The following DGKQ variants were observed in gnomAD, a reference collection of about 807,000 sequenced individuals.
DGKQ encodes diacylglycerol kinase theta.
A neutral mutation model predicts 104.2 loss-of-function variants in DGKQ; 97 were observed. That is an observed-to-expected ratio of 0.93 (90% CI 0.79 to 1.10). The LOEUF (loss-of-function observed/expected upper bound fraction) is 1.10. Ranked by LOEUF, DGKQ falls within the 50% of genes least tolerant of loss-of-function variation. DGKQ has a pLI of 0.00. For missense variants in DGKQ, 1,465 were observed against 1,352.1 expected, an observed-to-expected ratio of 1.08 and a Z score of -1.31; for synonymous variants, 736 against 595.2, an observed-to-expected ratio of 1.24 and a Z score of -3.44.
chr4:960,724 G>A lies in DGKQ; in HGVS notation c.2728-3C>T. The A allele has an allele frequency of 1.2e-6, 2 of 1,611,574 alleles. No homozygotes were observed. The highest frequency in any genetic ancestry group is 1.7e-6 in the Non-Finnish European group (2 of 1,179,488). On this transcript the variant is annotated splice_region_variant and splice_polypyrimidine_tract_variant and intron_variant, in intron 22 of 22. Coordinates refer to ENST00000273814, the MANE Select transcript of DGKQ (RefSeq NM_001347.4). ...TTGGCCTTCCTCAGCATGTGCACCT[G>A]TCCCAGGGCAGGGGACAGAGGACCA...
chr4:970,212 G>A (rs1036581289), intron 2 of DGKQ, among the ~76,000 whole-genome samples: 8 of 152,244 alleles, frequency 5.3e-5, no homozygotes, highest in Non-Finnish European at 7.3e-5. Flanking sequence ...GTGCCTGCTG[G>A]CCTGGCTTCC....
At chr4:965,784 G>A in intron 13 of DGKQ, 144 bp downstream of exon 13, 2 of 998,588 alleles carry the variant, frequency 2.0e-6, no homozygotes, top group Non-Finnish European at 2.9e-6. Flanking sequence ...AGAGCCTCTT[G>A]GAGGAAGAGA....
At chr4:967,094 G>A (rs1482326497) in intron 9 of DGKQ, 35 bp downstream of exon 9, 21 of 1,547,964 alleles carry the variant, frequency 1.4e-5, no homozygotes, top group East Asian at 4.8e-5. Flanking sequence ...CCCCCACCCC[G>A]CCCAGCAGAC....
In DGKQ at chr4:969,759, G is replaced by A. The variant is rs560135996; in HGVS notation, c.352-849C>T. On this transcript the variant is annotated intron_variant, in intron 2 of 22. Coordinates refer to ENST00000273814, the MANE Select transcript of DGKQ (RefSeq NM_001347.4). ...CGAGTAGCTGGGACTACAGGCGCCC[G>A]CCACCACACCCGGCTAATTTTTATA... 3.2e-4 allele frequency among the ~76,000 whole-genome samples: 49 copies of A among 152,004 alleles called. No individual in the cohort carries two copies. The South Asian group carries it at 9.1e-3, about 28-fold the overall frequency.
chr4:960,668 C>G lies in DGKQ; in HGVS notation c.2781G>C (p.Arg927Ser). The G allele has an allele frequency of 6.2e-7, 1 of 1,612,318 alleles. No homozygotes were observed. The highest frequency in any genetic ancestry group is 1.1e-5 in the South Asian group (1 of 91,084). ...CAGGCGCAGCATCCGCCCGGGCATC[C>G]CTGGTGGTCCCGGCCCTCCTCGGCT... ...KQKPRRAGTT[R>S]DARADAAPAP... Residue 927 changes from arginine to serine, a missense_variant, in exon 23 of 23, where the codon AGG becomes AGC. Transcript: ENST00000273814.
At position 962,434 on chromosome 4, in the gene DGKQ, C is replaced by T; in HGVS notation, c.2214+1G>A. 6.4e-7 allele frequency: 1 copy of T among 1,570,056 alleles called. No homozygotes were observed. Among genetic ancestry groups the T allele is most frequent in the Non-Finnish European group, 8.6e-7 (1 of 1,163,340 alleles). On this transcript the variant is annotated splice_donor_variant, in intron 18 of 22. Transcript: ENST00000273814. LOFTEE classifies it high-confidence loss of function. Reference sequence around the variant, plus strand: ...GCACCCCACGCCGGGCTGCCCTGTACCTTGGGGGGCTCTGCGTCTGCCGTG... The same window carrying T: ...GCACCCCACGCCGGGCTGCCCTGTATCTTGGGGGGCTCTGCGTCTGCCGTG...
At chr4:968,198 C>CCCCAACTCCTCCCCCTCCCA (rs1491172875) in intron 5 of DGKQ, 84 bp downstream of exon 5, 3 of 742,740 alleles carry the variant, frequency 4.0e-6, no homozygotes, top group African/African-American at 1.9e-5. Flanking sequence ...TGCCCCGCCC[C>CCCCAACTCCTCCCCCTCCCA]GCCAACTCCT....
chr4:961,625 G>A lies in DGKQ; in HGVS notation c.2463-47C>T, dbSNP rs569019139. 35 of 1,610,148 alleles carry A rather than the reference G, an allele frequency of 2.2e-5. No individual in the cohort carries two copies. The East Asian group carries it at 4.0e-4, about 18-fold the overall frequency. ...ACAGAGGTGTAGGTGCAGGCAGGAC[G>A]AGGGCTGAGCCTGCCCATGGCCCCG... On this transcript the variant is annotated intron_variant, in intron 20 of 22. Coordinates refer to ENST00000273814, the MANE Select transcript of DGKQ (RefSeq NM_001347.4).
rs551540304 is a variant in DGKQ at position 973,568 on chromosome 4, C to A, written c.-86G>T. Reference sequence around the variant, plus strand: ...CCACGGCCCGGTACACTGCTTCCGACTGCGCCTGCCCCACTGCGCAGGCGC... The same window carrying A: ...CCACGGCCCGGTACACTGCTTCCGAATGCGCCTGCCCCACTGCGCAGGCGC... On this transcript the variant is annotated 5_prime_UTR_variant, in exon 1 of 23. Coordinates refer to ENST00000273814, the MANE Select transcript of DGKQ (RefSeq NM_001347.4). The A allele has an allele frequency of 1.0e-6, 1 of 978,888 alleles. No homozygotes were observed. The highest frequency in any genetic ancestry group is 1.2e-6 in the Non-Finnish European group (1 of 824,560). The allele number at this position is 978,888 out of a possible 1,614,324, so 60.6% of individuals were successfully genotyped here.
At position 962,986 on chromosome 4, in the gene DGKQ, T is replaced by G. The variant is rs183379694; in HGVS notation, c.1887-66A>C. 7 of 1,546,394 alleles carry G rather than the reference T, an allele frequency of 4.5e-6. No individual in the cohort carries two copies. The African/African-American group carries it at 9.5e-5, about 21-fold the overall frequency. On this transcript the variant is annotated intron_variant, in intron 16 of 22. Transcript: ENST00000273814. ...CAGCCCATCCCCCACCCAGGCTGCCTCTTCCAAGTGCCCGTCCTGGCCGTG... is the reference window on the plus strand; with the variant it reads ...CAGCCCATCCCCCACCCAGGCTGCCGCTTCCAAGTGCCCGTCCTGGCCGTG...
Position 967,819 on chromosome 4 carries a change from C to G in DGKQ, c.812-17G>C, listed in dbSNP as rs1200751389. 1 of 1,581,798 alleles carries G rather than the reference C, an allele frequency of 6.3e-7. No individual in the cohort carries two copies. ...CCCCCTCGCCTGCGGGTCGGGCACA[C>G]GGACCCCTCATTCAGTGCGCAGCCC... On this transcript the variant is annotated splice_polypyrimidine_tract_variant and intron_variant, in intron 6 of 22. Transcript: ENST00000273814.
Position 963,305 on chromosome 4 carries a change from G to A in DGKQ, c.1735-15C>T, listed in dbSNP as rs763639024. 8 of 1,594,540 alleles carry A rather than the reference G, an allele frequency of 5.0e-6. No homozygotes were observed. The highest frequency in any genetic ancestry group is 1.1e-5 in the South Asian group (1 of 90,284). Reference sequence around the variant, plus strand: ...AGCTTCGCGTGCTGACAGACAGGGGGCTGGGTTAGGATGGGGACCCAAGGT... The same window carrying A: ...AGCTTCGCGTGCTGACAGACAGGGGACTGGGTTAGGATGGGGACCCAAGGT... On this transcript the variant is annotated splice_polypyrimidine_tract_variant and intron_variant, in intron 15 of 22. Transcript: ENST00000273814.
chr4:966,850 T>A lies in DGKQ; in HGVS notation c.1312-48A>T, dbSNP rs201995867. 3.1e-4 allele frequency: 488 copies of A among 1,585,122 alleles called. 2 individuals carry two copies. The East Asian group carries it at 0.01, about 34-fold the overall frequency. Reference sequence around the variant, plus strand: ...CGGGTCTGGGCAGGCCCCCACCACCTCAGGACACCCGCGGGGACAGCCACG... The same window carrying A: ...CGGGTCTGGGCAGGCCCCCACCACCACAGGACACCCGCGGGGACAGCCACG... On this transcript the variant is annotated intron_variant, in intron 10 of 22. Transcript: ENST00000273814.
At chr4:965,840 C>T in intron 13 of DGKQ, 88 bp downstream of exon 13, 1 of 1,403,334 alleles carries the variant, frequency 7.1e-7, no homozygotes, top group South Asian at 1.4e-5. Context: ...CAAGGAGAGG[C>T]AGGAGCCGGC....
intron 22 of DGKQ, 151 bp from the exon 23 acceptor site, chr4:960,872 C>CCACCTGTGG (rs1474455132): frequency 6.8e-7 from 1 of 1,474,884 alleles, no homozygotes; most frequent in Non-Finnish European, 9.0e-7. Context: ...GCTCCCTGTG[C>CCACCTGTGG]CACCTGTGGC....
rs370473571 is a variant in DGKQ at position 962,841 on chromosome 4, C to T, written c.1966G>A (p.Ala656Thr). Residue 656 changes from alanine (A) to threonine (T), a missense_variant, in exon 17 of 23, where the codon GCC (alanine) becomes ACC (threonine). By Grantham distance (58) the Ala-to-Thr change is moderately conservative. Coordinates refer to ENST00000273814, the MANE Select transcript of DGKQ (RefSeq NM_001347.4). ...AGTCGGTACCGTGTCTCCTCCAGGGCGCCAAGCACCCAGCCCACAGTGCCA... is the reference window on the plus strand; with the variant it reads ...AGTCGGTACCGTGTCTCCTCCAGGGTGCCAAGCACCCAGCCCACAGTGCCA... ...GDGTVGWVLG[A>T]LEETRYRLAC... The T allele has an allele frequency of 1.2e-5, 19 of 1,606,308 alleles. No individual in the cohort carries two copies. Among genetic ancestry groups the T allele is most frequent in the African/African-American group, 9.4e-5 (7 of 74,824 alleles).
chr4:966,103 T>C (rs1416915030), intron 12 of DGKQ, 25 bp from the exon 13 acceptor site: 1 of 1,577,330 alleles, frequency 6.3e-7, no homozygotes. Context: ...GCGGGGATGC[T>C]GGGCCGGGGA....
rs1712232122 is a variant in DGKQ at position 965,434 on chromosome 4, C to T, written c.1618+57G>A. 4 of 1,579,530 alleles carry T rather than the reference C, an allele frequency of 2.5e-6. No homozygotes were observed. In the South Asian group the frequency reaches 3.4e-5, roughly 13 times the overall value. On this transcript the variant is annotated intron_variant, in intron 14 of 22. Coordinates refer to ENST00000273814, the MANE Select transcript of DGKQ (RefSeq NM_001347.4). ...CTACGTGAGGGCCAGGGCTGTCCCA[C>T]TTCACCCCAGGAACACCCCTGGGCC...
At chr4:972,020 G>C (rs1319080012) in intron 1 of DGKQ, among the ~76,000 whole-genome samples, 1 of 152,038 alleles carries the variant, frequency 6.6e-6, no homozygotes, top group Admixed American at 6.5e-5. Flanking sequence ...GAGAAGGGGG[G>C]ACAGGCAGCA....
Sources: allele counts gnomAD v4.1 joint callset (sites outside exome capture counted in the v4.1 genomes callset), GRCh38; gene constraint gnomAD v4.1.1; transcripts MANE v1.5; gene names NCBI Gene and HGNC (gene_info 2026-07-23, HGNC 2026-07-21).